ADGRV1: variants seen among roughly 807,000 people sequenced by gnomAD.
ADGRV1 encodes the protein G-protein coupled receptor 98.
In ADGRV1, 359 loss-of-function variants were observed where a neutral mutation model predicts 596.2. That is an observed-to-expected ratio of 0.60 (90% CI 0.55 to 0.66). The LOEUF (loss-of-function observed/expected upper bound fraction) is 0.66, where lower values mean the gene tolerates loss of function less well. ADGRV1 is among the 30% of genes least tolerant of loss of function. The pLI is 0.00. For missense variants in ADGRV1, 7,274 were observed against 7,575.6 expected (o/e 0.96, Z 1.48); for synonymous variants, 2,681 against 2,679.2 (o/e 1.00, Z -0.02).
chr5:90,653,675 G>A lies in ADGRV1; in HGVS notation c.4101G>A (p.Thr1367=), dbSNP rs777621884. Reference sequence around the variant, plus strand: ...CTTGGGTAATGCCCAATGCCAATACGAATGGATTCATTATAGCGAAGGATG... The same window carrying A: ...CTTGGGTAATGCCCAATGCCAATACAAATGGATTCATTATAGCGAAGGATG... The part of the protein sequence containing the change: ...FSAWVMPNAN[T]NGFIIAKDDG... Residue 1367 remains threonine, a synonymous_variant, in exon 20 of 90, where the codon ACG becomes ACA. Transcript: ENST00000405460. 1.2e-6 allele frequency: 2 copies of A among 1,613,120 alleles called. No individual in the cohort carries two copies. Among genetic ancestry groups the A allele is most frequent in the Admixed American group, 1.7e-5 (1 of 59,820 alleles).
At chr5:90,733,133 T>G (rs1411924984) in intron 50 of ADGRV1, among the ~76,000 whole-genome samples, 1 of 152,130 alleles carries the variant, frequency 6.6e-6, no homozygotes, top group Admixed American at 6.5e-5. Flanking sequence ...AAAGAGAAAT[T>G]AGAAATGAAA....
intron 44 of ADGRV1, among the ~76,000 whole-genome samples, chr5:90,720,700 A>G (rs1381743376): frequency 6.6e-6 from 1 of 152,054 alleles, no homozygotes; most frequent in Admixed American, 6.6e-5. Flanking sequence ...TTTTTTTCCT[A>G]TAAAGTGTTT....
intron 81 of ADGRV1, among the ~76,000 whole-genome samples, 189 bp downstream of exon 81, chr5:90,854,390 C>A (rs1766825387): frequency 6.6e-6 from 1 of 152,140 alleles, no homozygotes; most frequent in Non-Finnish European, 1.5e-5. Flanking sequence ...AAATGCAGCC[C>A]AGCATTTCAA....
chr5:91,109,732 G>A (rs1443448721), intron 87 of ADGRV1, among the ~76,000 whole-genome samples: 13 of 152,118 alleles, frequency 8.5e-5, no homozygotes, highest in Admixed American at 8.5e-4. Context: ...AAATCACAGG[G>A]TAACAGATAC....
At chr5:91,068,422 TC>T (rs1934224415) in intron 85 of ADGRV1, among the ~76,000 whole-genome samples, 2 of 151,446 alleles carry the variant, frequency 1.3e-5, no homozygotes, top group East Asian at 3.9e-4. Context: ...TGAGCCGAGA[TC>T]GCACCACTGC....
At chr5:91,005,364 G>A (rs1410723895) in intron 85 of ADGRV1, among the ~76,000 whole-genome samples, 7 of 146,138 alleles carry the variant, frequency 4.8e-5, no homozygotes, top group African/African-American at 1.8e-4. Flanking sequence ...CTATTGCTGT[G>A]TATATATATA....
Position 91,153,242 on chromosome 5 carries a change from G to C in ADGRV1, c.18646G>C (p.Ala6216Pro), listed in dbSNP as rs771249117. 6.2e-6 allele frequency: 10 copies of C among 1,607,454 alleles called. No individual in the cohort carries two copies. Among genetic ancestry groups the C allele is most frequent in the Non-Finnish European group, 7.6e-6 (9 of 1,176,922 alleles). ...AAAGGTGCCACCTGACTGGGAGAGA[G>C]CATCCTTCCAACAGGGCAGTCAGGC... The part of the protein sequence containing the change: ...MEEVPPDWER[A>P]SFQQGSQASP... The change falls in exon 89 of 90, where the codon GCA (alanine) becomes CCA (proline). Residue 6216 changes from alanine to proline, a missense_variant. Coordinates refer to ENST00000405460, the MANE Select transcript of ADGRV1 (RefSeq NM_032119.4).
At chr5:90,915,448 C>T (rs921563949) in intron 83 of ADGRV1, among the ~76,000 whole-genome samples, 1 of 152,102 alleles carries the variant, frequency 6.6e-6, no homozygotes, top group African/African-American at 2.4e-5. Flanking sequence ...GTCCTTTGGT[C>T]AGGAATTTGG....
chr5:90,961,055 T>C (rs1581638274), intron 83 of ADGRV1, among the ~76,000 whole-genome samples: 1 of 152,136 alleles, frequency 6.6e-6, no homozygotes, highest in East Asian at 1.9e-4. Flanking sequence ...TGTGTCTAGC[T>C]TCACCCTTAG....
At chr5:90,707,041 C>T (rs1163968014) in intron 38 of ADGRV1, among the ~76,000 whole-genome samples, 2 of 151,934 alleles carry the variant, frequency 1.3e-5, no homozygotes, top group African/African-American at 4.8e-5. Context: ...TTGATTACTT[C>T]AAAGGATTCT....
chr5:90,569,540 AT>A (rs907343602), intron 1 of ADGRV1, among the ~76,000 whole-genome samples: 6 of 150,322 alleles, frequency 4.0e-5, no homozygotes, highest in African/African-American at 1.5e-4. Context: ...GGAGTATTTA[AT>A]CCAGTAATAT....
chr5:91,044,777 T>C (rs1280834342), intron 85 of ADGRV1, among the ~76,000 whole-genome samples: 1 of 152,216 alleles, frequency 6.6e-6, no homozygotes, highest in African/African-American at 2.4e-5. Flanking sequence ...TCTTCTTTCT[T>C]GAACCCTTGT....
chr5:90,905,776 T>C (rs955785685), intron 83 of ADGRV1, among the ~76,000 whole-genome samples: 1 of 152,082 alleles, frequency 6.6e-6, no homozygotes, highest in Non-Finnish European at 1.5e-5. Flanking sequence ...TGTTGAATAA[T>C]GGTAGTGAAA....
At chr5:90,610,180 T>C (rs1035051559) in intron 1 of ADGRV1, among the ~76,000 whole-genome samples, 1 of 152,002 alleles carries the variant, frequency 6.6e-6, no homozygotes, top group Admixed American at 6.6e-5. Context: ...GGTACTGTCC[T>C]AGATAAACAG....
chr5:90,979,626 A>G (rs1779926062), intron 84 of ADGRV1, among the ~76,000 whole-genome samples: 1 of 152,342 alleles, frequency 6.6e-6, no homozygotes, highest in South Asian at 2.1e-4. Context: ...AGGGCATGGT[A>G]AGATGACTTG....
Position 90,745,277 on chromosome 5 carries a change from AT to A in ADGRV1, c.10769+18del. The A allele has an allele frequency of 6.6e-7, 1 of 1,515,248 alleles. No homozygotes were observed. The highest frequency in any genetic ancestry group is 2.3e-5 in the East Asian group (1 of 44,084). 93.9% of individuals were successfully genotyped at this position (1,515,248 alleles called of 1,614,324 possible). On this transcript the variant is annotated intron_variant, in intron 51 of 89. Coordinates refer to ENST00000405460, the MANE Select transcript of ADGRV1 (RefSeq NM_032119.4). ...GACTTTATTCCTAGGTAGGTTCAAC[AT>A]TTTTTGCTAAGTATCTTTATGTTCA...
At chr5:90,940,304 A>G (rs1776065382) in intron 83 of ADGRV1, among the ~76,000 whole-genome samples, 1 of 152,224 alleles carries the variant, frequency 6.6e-6, no homozygotes. Flanking sequence ...CCACAAAGAG[A>G]AAATATATTA....
chr5:90,621,572 A>G (rs1477291836), intron 4 of ADGRV1, among the ~76,000 whole-genome samples: 2 of 152,204 alleles, frequency 1.3e-5, no homozygotes, highest in Non-Finnish European at 2.9e-5. Flanking sequence ...CTCTCTGTGT[A>G]TCACCTCCGA....
chr5:91,163,280 A>G (rs972777207), intron 89 of ADGRV1, among the ~76,000 whole-genome samples: 9 of 152,298 alleles, frequency 5.9e-5, no homozygotes, highest in African/African-American at 1.7e-4. Context: ...TTCAAAGCCA[A>G]TGTCTTCAGG....
Sources: gnomAD v4.1 joint callset for allele counts (sites outside exome capture counted in the v4.1 genomes callset) on GRCh38, gnomAD v4.1.1 for gene constraint, MANE v1.5 for transcripts, NCBI Gene and HGNC (gene_info 2026-07-23, HGNC 2026-07-21) for gene names.